Variants in CELF6 observed in about 807,000 individuals in gnomAD.
The protein encoded by CELF6 is Bruno -like 6, RNA binding protein.
Under a neutral mutation model 53.1 loss-of-function variants are expected in CELF6, and 32 were observed. The observed-to-expected ratio is 0.60, with a 90% CI of 0.46 to 0.81. The LOEUF (loss-of-function observed/expected upper bound fraction) is 0.81. CELF6 is among the 30% of genes least tolerant of loss of function. The pLI, the probability that CELF6 is intolerant of heterozygous loss-of-function variation, is 0.00. For synonymous variants in CELF6, 291 were observed against 288.8 expected (o/e 1.01, Z -0.08); for missense variants, 539 against 669.5 (o/e 0.81, Z 2.15).
intron 3 of CELF6, among the ~76,000 whole-genome samples, chr15:72,301,706 C>A (rs968566765): frequency 1.3e-5 from 2 of 149,704 alleles, no homozygotes; most frequent in African/African-American, 4.9e-5. Context: ...ATTTTAAAAG[C>A]AAAATCCAAT....
chr15:72,287,156 A>G, intron 12 of CELF6, 81 bp downstream of exon 12: 1 of 1,362,936 alleles, frequency 7.3e-7, no homozygotes, highest in Non-Finnish European at 1.0e-6. Context: ...GGTGCCTCCA[A>G]GGTCCCAAAA....
chr15:72,317,931 T>C (rs575607556), intron 1 of CELF6, among the ~76,000 whole-genome samples: 1 of 152,068 alleles, frequency 6.6e-6, no homozygotes, highest in African/African-American at 2.4e-5. Flanking sequence ...GAGAGACAGA[T>C]GAATGAAAAT....
intron 2 of CELF6, among the ~76,000 whole-genome samples, chr15:72,307,877 G>T (rs938408770): frequency 1.3e-5 from 2 of 152,204 alleles, no homozygotes; most frequent in Admixed American, 6.5e-5. Flanking sequence ...TGGGGTCATT[G>T]GCCATGTAGA....
Position 72,287,220 on chromosome 15 carries a change from G to T in CELF6, c.*28+17C>A. 1 of 1,604,300 alleles carries T rather than the reference G, an allele frequency of 6.2e-7. No homozygotes were observed. The highest frequency in any genetic ancestry group is 8.5e-7 in the Non-Finnish European group (1 of 1,175,138). On this transcript the variant is annotated intron_variant, in intron 12 of 12. Transcript: ENST00000287202. The stretch of plus-strand genomic sequence containing the variant: ...ATCACTCAGGCCTCATCTACCTGGG[G>T]TCCATCAGGGACTCACCTTTCTGTG...
At position 72,309,311 on chromosome 15, in the gene CELF6, A is replaced by G. The variant is rs768032555; in HGVS notation, c.346-4517T>C. Among the ~76,000 whole-genome samples the G allele has an allele frequency of 2.0e-5, 3 of 152,228 alleles. 1 individual carries two copies. Among genetic ancestry groups the G allele is most frequent in the Admixed American group, 2.0e-4 (3 of 15,276 alleles). On this transcript the variant is annotated intron_variant, in intron 2 of 12. Coordinates refer to ENST00000287202, the MANE Select transcript of CELF6 (RefSeq NM_052840.5). ...TGGAGAAAGGATTGGAAAAGGAGTG[A>G]TTAGAGGCAAGAAGATCAGTGGCAC...
intron 3 of CELF6, among the ~76,000 whole-genome samples, chr15:72,303,591 C>T (rs1341375330): frequency 6.6e-6 from 1 of 152,142 alleles, no homozygotes; most frequent in African/African-American, 2.4e-5. Context: ...CATTCTGTTC[C>T]TGAACTCGGG....
intron 2 of CELF6, chr15:72,313,877 G>T: frequency 3.5e-6 from 1 of 281,996 alleles, no homozygotes; most frequent in Non-Finnish European, 5.4e-6. Context: ...CTTATTTTCT[G>T]CCAAGAACAG....
rs374383155 is a variant in CELF6, at chr15:72,288,499, G to T, written c.1174+39C>A. On this transcript the variant is annotated intron_variant, in intron 10 of 12. Coordinates refer to ENST00000287202, the MANE Select transcript of CELF6 (RefSeq NM_052840.5). The surrounding 1 kb of genome is among the most constrained non-coding windows in gnomAD (Gnocchi z 4.6). ...GTTCAGGGGAAGGACCCTGAGTCCA[G>T]CCCCACCAGGTTCTGCTGTCCAGCC... 8 of 1,613,280 alleles carry T rather than the reference G, an allele frequency of 5.0e-6. No homozygotes were observed. In the Admixed American group the frequency reaches 1.2e-4, roughly 24 times the overall value.
At chr15:72,287,117 T>A in intron 12 of CELF6, 120 bp downstream of exon 12, 1 of 889,470 alleles carries the variant, frequency 1.1e-6, no homozygotes, top group Non-Finnish European at 1.7e-6. Context: ...TCCTGGCTCT[T>A]CTCTCTATCC....
intron 3 of CELF6, chr15:72,292,373 C>T: frequency 1.3e-6 from 1 of 741,850 alleles, no homozygotes. Context: ...CCCGAAAGAC[C>T]ATGCCATTGT....
Position 72,319,527 on chromosome 15 carries a change from G to T in CELF6, c.262+86C>A. 1.4e-6 allele frequency: 2 copies of T among 1,428,498 alleles called. No homozygotes were observed. Among genetic ancestry groups the T allele is most frequent in the East Asian group, 2.5e-5 (1 of 39,596 alleles). 88.5% of individuals were successfully genotyped at this position (1,428,498 alleles called of 1,614,324 possible). A position where few individuals can be genotyped will look rare whatever the true frequency, so the allele number is the denominator to read the frequency against. ...TTGGACTGGTGTTGGACTGGCTCTC[G>T]GCAGGGCTAGGGCTGGGGCTGGGCT... On this transcript the variant is annotated intron_variant, in intron 1 of 12. Coordinates refer to ENST00000287202, the MANE Select transcript of CELF6 (RefSeq NM_052840.5). The surrounding 1 kb of genome is among the most constrained non-coding windows in gnomAD (Gnocchi z 5.0).
In CELF6 at chr15:72,315,685, G is replaced by C. The variant is rs905790572; in HGVS notation, c.345+160C>G. On this transcript the variant is annotated intron_variant, in intron 2 of 12. Coordinates refer to ENST00000287202, the MANE Select transcript of CELF6 (RefSeq NM_052840.5). ...GAGCCAGAAGATTGGATGTAACAAA[G>C]AATTTGTTGCTGTTCAGGGTACAGG... Among the ~76,000 whole-genome samples the C allele has an allele frequency of 1.7e-4, 26 of 152,268 alleles. No individual in the cohort carries two copies. The East Asian group carries it at 5.0e-3, about 29-fold the overall frequency.
intron 2 of CELF6, among the ~76,000 whole-genome samples, chr15:72,309,477 G>A (rs1305637969): frequency 6.6e-6 from 1 of 152,156 alleles, no homozygotes; most frequent in Non-Finnish European, 1.5e-5. Context: ...CAGGTTCATC[G>A]CTTGGGAGTT....
Position 72,286,282 on chromosome 15 carries a change from C to T in CELF6, c.*89G>A, listed in dbSNP as rs752255926. On this transcript the variant is annotated 3_prime_UTR_variant, in exon 13 of 13. Coordinates refer to ENST00000287202, the MANE Select transcript of CELF6 (RefSeq NM_052840.5). ...CCACCTCCGTCCGCAGCTGCTCCTT[C>T]GGGAAGGGCTGCTCAAGCGTTTCTG... is the stretch of plus-strand genomic sequence containing the variant. 3.3e-5 allele frequency: 5 copies of T among 152,760 alleles called. No homozygotes were observed. The highest frequency in any genetic ancestry group is 4.1e-4 in the South Asian group (2 of 4,838). 9.5% of individuals were successfully genotyped at this position (152,760 alleles called of 1,614,324 possible).
intron 3 of CELF6, among the ~76,000 whole-genome samples, chr15:72,297,599 C>T (rs71397232): frequency 0.012 from 1,798 of 152,246 alleles, 16 homozygotes; most frequent in East Asian, 0.024. Flanking sequence ...CATCCTACAA[C>T]GTGAATGAAA....
intron 3 of CELF6, among the ~76,000 whole-genome samples, chr15:72,301,734 A>ATTTTTTT (rs34705032): frequency 7.9e-6 from 1 of 125,866 alleles, no homozygotes. Flanking sequence ...TAAAAAGTTG[A>ATTTTTTT]TTTTTTTTTT....
At chr15:72,313,134 TA>T (rs1407217951) in intron 2 of CELF6, among the ~76,000 whole-genome samples, 2 of 152,240 alleles carry the variant, frequency 1.3e-5, no homozygotes, top group Admixed American at 1.3e-4. Context: ...CCCTGTCTGC[TA>T]CCTGGTTGTC....
At chr15:72,301,292 C>G (rs530821009) in intron 3 of CELF6, among the ~76,000 whole-genome samples, 67 of 152,236 alleles carry the variant, frequency 4.4e-4, no homozygotes, top group Non-Finnish European at 7.6e-4. Flanking sequence ...ACATGCCCAG[C>G]TGTAAATTAT....
chr15:72,293,697 T>C (rs2088037443), intron 3 of CELF6, among the ~76,000 whole-genome samples: 1 of 21,028 alleles, frequency 4.8e-5, no homozygotes, highest in African/African-American at 5.1e-5. Context: ...ATCAAATGCT[T>C]TTTTTTTTTT....
Sources: allele counts gnomAD v4.1 joint callset (sites outside exome capture counted in the v4.1 genomes callset), GRCh38; gene constraint gnomAD v4.1.1; non-coding constraint Gnocchi (gnomAD v3.1); transcripts MANE v1.5; gene names NCBI Gene and HGNC (gene_info 2026-07-23, HGNC 2026-07-21).